The following CYTH3 variants were observed in gnomAD, a reference collection of about 807,000 sequenced individuals.
CYTH3 encodes the protein cytohesin 3, also known as cytohesin-3.
Under a neutral mutation model 55.1 loss-of-function variants are expected in CYTH3, and 23 were observed. The ratio of observed to expected loss-of-function variants is 0.42; its 90% CI spans 0.30 to 0.59. CYTH3 has a LOEUF of 0.59. Ranked by LOEUF, CYTH3 falls within the 20% of genes least tolerant of loss-of-function variation. CYTH3 has a pLI of 0.20. For synonymous variants in CYTH3, 249 were observed against 194.9 expected (o/e 1.28, Z -2.31); for missense variants, 413 against 524.8 (o/e 0.79, Z 2.08).
At chr7:6,218,455 A>C (rs1784472695) in intron 1 of CYTH3, among the ~76,000 whole-genome samples, 1 of 152,214 alleles carries the variant, frequency 6.6e-6, no homozygotes, top group African/African-American at 2.4e-5. Context: ...ATTTTGGCCC[A>C]GTGAAGCTGA....
intron 1 of CYTH3, among the ~76,000 whole-genome samples, chr7:6,223,836 TAAA>T (rs58813864): frequency 0.067 from 1,612 of 24,166 alleles, 27 homozygotes; most frequent in African/African-American, 0.14. Flanking sequence ...CAATAAATAC[TAAA>T]AAAAAAAAAA....
chr7:6,242,869 G>T (rs554130721), intron 1 of CYTH3, among the ~76,000 whole-genome samples: 1 of 152,052 alleles, frequency 6.6e-6, no homozygotes. Context: ...CCTGTGCTGG[G>T]ACCCCAGAAT....
At chr7:6,210,025 G>A (rs1352777880) in intron 1 of CYTH3, among the ~76,000 whole-genome samples, 1 of 152,126 alleles carries the variant, frequency 6.6e-6, no homozygotes. Context: ...GTATGATACG[G>A]TAATGGTGGA....
At chr7:6,244,981 T>G (rs947641170) in intron 1 of CYTH3, among the ~76,000 whole-genome samples, 10 of 120,436 alleles carry the variant, frequency 8.3e-5, no homozygotes, top group East Asian at 3.2e-4. Flanking sequence ...TTTTTTTTTT[T>G]TTTTTTTTTT....
intron 4 of CYTH3, among the ~76,000 whole-genome samples, chr7:6,179,640 ACACACCC>A (rs369038120): frequency 0.013 from 1,406 of 104,150 alleles, 11 homozygotes; most frequent in Middle Eastern, 0.045. Flanking sequence ...CATACACCTC[ACACACCC>A]CACACCCCAC....
chr7:6,186,030 G>A (rs1289533212), intron 4 of CYTH3, among the ~76,000 whole-genome samples: 5 of 151,886 alleles, frequency 3.3e-5, no homozygotes, highest in Non-Finnish European at 7.4e-5. Flanking sequence ...GGATCATGAG[G>A]TCAGGAGATC....
chr7:6,232,658 TGCAGCA>T (rs1244048231), intron 1 of CYTH3, among the ~76,000 whole-genome samples: 2 of 152,134 alleles, frequency 1.3e-5, no homozygotes, highest in African/African-American at 4.8e-5. Context: ...CAGTGGTGGC[TGCAGCA>T]GCAGCCACTG....
At chr7:6,218,402 G>A (rs1485900885) in intron 1 of CYTH3, among the ~76,000 whole-genome samples, 2 of 152,156 alleles carry the variant, frequency 1.3e-5, no homozygotes, top group South Asian at 2.1e-4. Flanking sequence ...GGAAGAAAAT[G>A]CATTCTCTCC....
chr7:6,202,414 G>A (rs750604605), intron 1 of CYTH3, among the ~76,000 whole-genome samples: 3 of 151,610 alleles, frequency 2.0e-5, no homozygotes, highest in Non-Finnish European at 4.4e-5. Context: ...TGAACCGCCA[G>A]CCAACTTGGA....
chr7:6,199,230 C>T (rs1226908403), intron 1 of CYTH3, among the ~76,000 whole-genome samples: 6 of 152,188 alleles, frequency 3.9e-5, no homozygotes, highest in Non-Finnish European at 5.9e-5. Flanking sequence ...CAGAGACTCA[C>T]AGTTGTTGAG....
chr7:6,221,632 G>A (rs1390193237), intron 1 of CYTH3, among the ~76,000 whole-genome samples: 2 of 152,100 alleles, frequency 1.3e-5, no homozygotes, highest in South Asian at 2.1e-4. Flanking sequence ...ATGAGTGAAG[G>A]GCAAGTGGAA....
At chr7:6,237,034 G>A (rs1231067966) in intron 1 of CYTH3, among the ~76,000 whole-genome samples, 2 of 152,220 alleles carry the variant, frequency 1.3e-5, no homozygotes, top group East Asian at 1.9e-4. Context: ...ACGGCTCACA[G>A]AAGGCTCATG....
rs1009094256 is a variant in CYTH3 at position 6,167,080 on chromosome 7, C to G, written c.824-1270G>C. The stretch of plus-strand genomic sequence containing the variant: ...TGCAAGCTGCTCCGTCACTGGAACC[C>G]TCTGCCCCAACTGTGGCACCGCCTC... On this transcript the variant is annotated intron_variant, in intron 9 of 12. Coordinates refer to ENST00000350796, the MANE Select transcript of CYTH3 (RefSeq NM_004227.4). The surrounding 1 kb of genome is among the most constrained non-coding windows in gnomAD (Gnocchi z 5.5). 3.3e-5 allele frequency among the ~76,000 whole-genome samples: 5 copies of G among 152,232 alleles called. No individual in the cohort carries two copies. Among genetic ancestry groups the G allele is most frequent in the African/African-American group, 1.2e-4 (5 of 41,468 alleles).
At chr7:6,234,171 A>AAGT (rs1423566232) in intron 1 of CYTH3, among the ~76,000 whole-genome samples, 1 of 152,170 alleles carries the variant, frequency 6.6e-6, no homozygotes, top group Non-Finnish European at 1.5e-5. Context: ...AACCTTTATC[A>AAGT]AGTGCAGCAG....
At chr7:6,176,280 G>A (rs1034117835) in intron 5 of CYTH3, among the ~76,000 whole-genome samples, 225 of 20,300 alleles carry the variant, frequency 0.011, 2 homozygotes, top group African/African-American at 0.046. Flanking sequence ...TTTTTTTTTT[G>A]AGCCAGAGTC....
intron 1 of CYTH3, among the ~76,000 whole-genome samples, chr7:6,261,479 C>T (rs924315290): frequency 1.3e-5 from 2 of 152,052 alleles, no homozygotes; most frequent in Non-Finnish European, 2.9e-5. Context: ...CCTTTGGAGG[C>T]TGAGGCAGGC....
chr7:6,173,187 A>G, intron 6 of CYTH3: 1 of 474,924 alleles, frequency 2.1e-6, no homozygotes, highest in Non-Finnish European at 2.8e-6. Context: ...GACAACGTGC[A>G]GGAAGGGCAG....
rs1208442412 is a variant in CYTH3, at chr7:6,186,310, G to GC, written c.249+739dup. Reference sequence around the variant, plus strand: ...CACAGGAGTGGCGTGAACCAGCTCTGCAGCGAGACCTTCCCGTGGACACGC... The same window carrying GC: ...CACAGGAGTGGCGTGAACCAGCTCTGCCAGCGAGACCTTCCCGTGGACACGC... On this transcript the variant is annotated intron_variant, in intron 4 of 12. Coordinates refer to ENST00000350796, the MANE Select transcript of CYTH3 (RefSeq NM_004227.4). Among the ~76,000 whole-genome samples, 7 of 150,228 alleles carry GC rather than the reference G, an allele frequency of 4.7e-5. No individual in the cohort carries two copies. In the East Asian group the frequency reaches 1.4e-3, roughly 29 times the overall value.
chr7:6,218,287 CAGA>C (rs1315449880), intron 1 of CYTH3, among the ~76,000 whole-genome samples: 1 of 152,100 alleles, frequency 6.6e-6, no homozygotes, highest in Non-Finnish European at 1.5e-5. Context: ...AGATGTGACA[CAGA>C]AGAAGGCAAC....
Sources: gnomAD v4.1 joint callset for allele counts (sites outside exome capture counted in the v4.1 genomes callset) on GRCh38, gnomAD v4.1.1 for gene constraint, Gnocchi (gnomAD v3.1) non-coding constraint, MANE v1.5 for transcripts, NCBI Gene and HGNC (gene_info 2026-07-23, HGNC 2026-07-21) for gene names.